The following WDR64 variants were observed in gnomAD, a reference collection of about 807,000 sequenced individuals.
WDR64 encodes WD repeat domain 64.
WDR64 carries 112 observed loss-of-function variants against 139.3 expected under a neutral mutation model. The ratio of observed to expected loss-of-function variants is 0.80; its 90% CI spans 0.69 to 0.94. The LOEUF (loss-of-function observed/expected upper bound fraction) is 0.94, where lower values mean the gene tolerates loss of function less well. Ranked by LOEUF, WDR64 falls within the 40% of genes least tolerant of loss-of-function variation. WDR64 has a pLI of 0.00. For missense variants in WDR64, 1,206 were observed against 1,293.1 expected (o/e 0.93, Z 1.03); for synonymous variants, 444 against 437.7 (o/e 1.01, Z -0.18).
chr1:241,738,464 T>C lies in WDR64; in HGVS notation c.1296T>C (p.Asp432=), dbSNP rs370828631. Reference sequence around the variant, plus strand: ...TGCAGATTTACTCTATGATATATGATGCCAATCATGGCATGCTTATTACGG... The same window carrying C: ...TGCAGATTTACTCTATGATATATGACGCCAATCATGGCATGCTTATTACGG... ...GDMQIYSMIY[D]ANHGMLITGS... The change falls in exon 11 of 28, where the codon GAT becomes GAC. Residue 432 remains aspartate, a synonymous_variant. Transcript: ENST00000437684. 3.7e-6 allele frequency: 6 copies of C among 1,612,894 alleles called. No homozygotes were observed. Among genetic ancestry groups the C allele is most frequent in the African/African-American group, 1.3e-5 (1 of 74,906 alleles).
rs140037837 is a variant in WDR64, at chr1:241,736,735, T to C, written c.1195-1628T>C. 9.9e-5 allele frequency among the ~76,000 whole-genome samples: 15 copies of C among 152,216 alleles called. No individual in the cohort carries two copies. In the East Asian group the frequency reaches 2.7e-3, roughly 27 times the overall value. ...AAGAGAAAGAAGGCAAAAGCAAACA[T>C]AATAACTCTATAGAGAACATCACAG... On this transcript the variant is annotated intron_variant, in intron 10 of 27. Coordinates refer to ENST00000437684, the MANE Select transcript of WDR64 (RefSeq NM_001367482.1).
rs879917755 is a variant in WDR64 at position 241,656,913 on chromosome 1, T to TGC, written c.146-3616_146-3615insCG. On this transcript the variant is annotated intron_variant, in intron 1 of 27. Transcript: ENST00000437684. The surrounding 1 kb of genome is among the most constrained non-coding windows in gnomAD (Gnocchi z 4.3). ...GTGTGTGTGTGTGTGTGTGTGTGTC[T>TGC]GTCTGGGGATGGAGGTGAGGTGCAA... is the stretch of plus-strand genomic sequence containing the variant. Among the ~76,000 whole-genome samples, 80 of 145,112 alleles carry TGC rather than the reference T, an allele frequency of 5.5e-4. No homozygotes were observed. Among genetic ancestry groups the TGC allele is most frequent in the Admixed American group, 2.7e-3 (40 of 14,778 alleles).
intron 24 of WDR64, among the ~76,000 whole-genome samples, chr1:241,789,609 T>C (rs1409007111): frequency 6.6e-6 from 1 of 152,172 alleles, no homozygotes; most frequent in Non-Finnish European, 1.5e-5. Context: ...CTATTATCCT[T>C]AGCAAACTAA....
At chr1:241,705,317 G>C (rs549765845) in intron 8 of WDR64, among the ~76,000 whole-genome samples, 13 of 152,114 alleles carry the variant, frequency 8.5e-5, no homozygotes, top group South Asian at 2.1e-4. Flanking sequence ...CAAGGAGGGC[G>C]GATCATGAGG....
intron 15 of WDR64, among the ~76,000 whole-genome samples, chr1:241,764,199 A>G (rs1229664737): frequency 6.6e-6 from 1 of 152,200 alleles, no homozygotes; most frequent in Non-Finnish European, 1.5e-5. Context: ...AGCATCCTAT[A>G]ACAAATGGAA....
chr1:241,675,756 T>C (rs1402010442), intron 4 of WDR64, among the ~76,000 whole-genome samples: 1 of 152,228 alleles, frequency 6.6e-6, no homozygotes, highest in Admixed American at 6.5e-5. Flanking sequence ...CAATAAAACC[T>C]GTCCTCCCTC....
Position 241,790,693 on chromosome 1 carries a change from T to G in WDR64, c.2994T>G (p.Pro998=). 6.7e-7 allele frequency: 1 copy of G among 1,484,024 alleles called. No individual in the cohort carries two copies. Among genetic ancestry groups the G allele is most frequent in the Non-Finnish European group, 9.0e-7 (1 of 1,106,914 alleles). 91.9% of individuals were successfully genotyped at this position (1,484,024 alleles called of 1,614,324 possible). ...AGTTTTTCAAGTCTCTTTCTTCTCC[T>G]AAGGTAGCTTAAAAAAAAAAAAAAA... The part of the protein sequence containing the change: ...DFKFFKSLSS[P]KIRRYPLEGF... The change falls in exon 25 of 28, where the codon CCT becomes CCG. Residue 998 remains proline, a synonymous_variant. Coordinates refer to ENST00000437684, the MANE Select transcript of WDR64 (RefSeq NM_001367482.1).
chr1:241,678,303 T>A, intron 5 of WDR64, 87 bp downstream of exon 5: 1 of 398,104 alleles, frequency 2.5e-6, no homozygotes, highest in Non-Finnish European at 4.4e-6. Context: ...CTCAATGAAG[T>A]ACTGAATAGG....
chr1:241,746,541 T>C (rs1395613040), intron 13 of WDR64, among the ~76,000 whole-genome samples: 2 of 151,120 alleles, frequency 1.3e-5, no homozygotes, highest in South Asian at 2.1e-4. Flanking sequence ...AAAAAGTTTA[T>C]AGCAGATTTA....
chr1:241,687,532 C>A lies in WDR64; in HGVS notation c.911C>A (p.Ser304Tyr). Residue 304 changes from serine (S) to tyrosine (Y), a missense_variant, in exon 8 of 28, where the codon TCC (serine) becomes TAC (tyrosine). Ser to Tyr is a moderately radical substitution (Grantham distance 144). Transcript: ENST00000437684. The stretch of plus-strand genomic sequence containing the variant: ...ATTTCAGCCCTAAATTGTTTTGGAT[C>A]CTGCTCCTTAGACAGTAATCATTCA... ...RYISALNCFG[S>Y]CSLDSNHSLV... is the part of the protein sequence containing the mutation. 6.2e-7 allele frequency: 1 copy of A among 1,613,674 alleles called. No homozygotes were observed.
chr1:241,746,687 A>C (rs1558504510), intron 13 of WDR64, among the ~76,000 whole-genome samples: 1 of 152,174 alleles, frequency 6.6e-6, no homozygotes, highest in African/African-American at 2.4e-5. Flanking sequence ...TATTTGCATC[A>C]GTTTGAATGA....
At chr1:241,796,492 C>CTTTTTTTTTTT (rs5782206) in intron 27 of WDR64, 122 bp downstream of exon 27, 1 of 484,726 alleles carries the variant, frequency 2.1e-6, no homozygotes, top group Non-Finnish European at 3.4e-6. Context: ...TCAGTTCATA[C>CTTTTTTTTTTT]TTTTTTTTTT....
intron 8 of WDR64, among the ~76,000 whole-genome samples, chr1:241,706,520 G>A (rs1243751135): frequency 6.6e-6 from 1 of 152,042 alleles, no homozygotes; most frequent in African/African-American, 2.4e-5. Context: ...TTCTCATCTG[G>A]GACATTTAAG....
intron 2 of WDR64, among the ~76,000 whole-genome samples, chr1:241,665,529 A>G (rs1214503822): frequency 1.3e-5 from 2 of 152,254 alleles, no homozygotes; most frequent in African/African-American, 4.8e-5. Context: ...CAATGCCACA[A>G]AAGTTTCACC....
chr1:241,775,845 T>C (rs1256828651), intron 21 of WDR64, among the ~76,000 whole-genome samples: 1 of 152,152 alleles, frequency 6.6e-6, no homozygotes, highest in Admixed American at 6.5e-5. Context: ...TAGTTAGAAT[T>C]AGAATAAAAC....
chr1:241,658,930 G>A (rs1485305002), intron 1 of WDR64, among the ~76,000 whole-genome samples: 4 of 149,580 alleles, frequency 2.7e-5, no homozygotes, highest in South Asian at 2.1e-4. Flanking sequence ...TCAGGGGTAC[G>A]TGTGCAGGAT....
At chr1:241,667,514 G>A (rs900963244) in intron 2 of WDR64, among the ~76,000 whole-genome samples, 1 of 152,118 alleles carries the variant, frequency 6.6e-6, no homozygotes, top group African/African-American at 2.4e-5. Context: ...GGATTATCTA[G>A]GTGGGTTCAA....
intron 8 of WDR64, among the ~76,000 whole-genome samples, chr1:241,704,623 T>TGG (rs1667863763): frequency 1.3e-5 from 2 of 152,186 alleles, no homozygotes; most frequent in African/African-American, 2.4e-5. Flanking sequence ...TTATTTTTTA[T>TGG]AGGAAAATAG....
chr1:241,713,156 T>A (rs1466051529), intron 9 of WDR64, among the ~76,000 whole-genome samples: 7 of 144,942 alleles, frequency 4.8e-5, no homozygotes, highest in Non-Finnish European at 5.9e-5. Context: ...AAAAAAAAAA[T>A]TAAAAATTAG....
Sources: allele counts gnomAD v4.1 joint callset (sites outside exome capture counted in the v4.1 genomes callset), GRCh38; gene constraint gnomAD v4.1.1; non-coding constraint Gnocchi (gnomAD v3.1); transcripts MANE v1.5; gene names NCBI Gene and HGNC (gene_info 2026-07-23, HGNC 2026-07-21).